CSMD1: variants seen among roughly 807,000 people sequenced by gnomAD.
CSMD1 encodes the protein CUB and Sushi multiple domains 1.
CSMD1 carries 213 observed loss-of-function variants against 417.5 expected under a neutral mutation model. That is an observed-to-expected ratio of 0.51 (90% CI 0.46 to 0.57). CSMD1 has a LOEUF of 0.57. CSMD1 is among the 20% of genes least tolerant of loss of function. CSMD1 has a pLI of 0.00. For synonymous variants in CSMD1, 2,862 were observed against 1,736.8 expected, an observed-to-expected ratio of 1.65 and a Z score of -16.11; for missense variants, 6,923 against 4,529.7, an observed-to-expected ratio of 1.53 and a Z score of -15.17.
chr8:3,742,084 G>A (rs1353960854), intron 6 of CSMD1, among the ~76,000 whole-genome samples: 1 of 151,220 alleles, frequency 6.6e-6, no homozygotes, highest in East Asian at 2.0e-4. Context: ...ACATCCTGGT[G>A]CACCTGGCTC....
At chr8:4,564,739 T>A (rs559156788) in intron 2 of CSMD1, among the ~76,000 whole-genome samples, 49 of 152,296 alleles carry the variant, frequency 3.2e-4, no homozygotes, top group African/African-American at 1.2e-3. Flanking sequence ...TTGATGGATC[T>A]GAACATGGAG....
chr8:4,179,169 T>C (rs565365871), intron 3 of CSMD1, among the ~76,000 whole-genome samples: 2 of 152,136 alleles, frequency 1.3e-5, no homozygotes, highest in African/African-American at 4.8e-5. Flanking sequence ...ACTACCTGAC[T>C]TCAAACTATA....
At chr8:3,142,389 G>C (rs373379658) in intron 41 of CSMD1, 76 bp downstream of exon 41, 2 of 1,279,564 alleles carry the variant, frequency 1.6e-6, no homozygotes, top group African/African-American at 1.5e-5. Flanking sequence ...CAGTTAGGGA[G>C]ATTTATACTT....
At chr8:3,337,397 ACCCGTGCCTGACT>A (rs1287410052) in intron 23 of CSMD1, among the ~76,000 whole-genome samples, 8 of 152,108 alleles carry the variant, frequency 5.3e-5, no homozygotes, top group Non-Finnish European at 1.2e-4. Context: ...GCATAATTAC[ACCCGTGCCTGACT>A]CTCAGCCACA....
chr8:4,737,344 G>C lies in CSMD1; in HGVS notation c.86-99786C>G, dbSNP rs559799714. ...ACCCTGGGATCTTTCAAAGGGTGGA[G>C]GGTTGGAGGAGAGAGAGAGTCAGAA... On this transcript the variant is annotated intron_variant, in intron 1 of 69. Coordinates refer to ENST00000635120, the MANE Select transcript of CSMD1 (RefSeq NM_033225.6). Among the ~76,000 whole-genome samples the C allele has an allele frequency of 8.4e-4, 128 of 152,182 alleles. 1 individual carries two copies. Among genetic ancestry groups the C allele is most frequent in the African/African-American group, 2.9e-3 (121 of 41,520 alleles).
At chr8:4,937,427 G>C (rs914391314) in intron 1 of CSMD1, among the ~76,000 whole-genome samples, 3 of 152,074 alleles carry the variant, frequency 2.0e-5, no homozygotes, top group African/African-American at 7.2e-5. Context: ...TATAAAAATA[G>C]TGTTTTTCTC....
chr8:4,328,764 A>T (rs1263310921), intron 3 of CSMD1, among the ~76,000 whole-genome samples: 2 of 152,166 alleles, frequency 1.3e-5, no homozygotes, highest in Non-Finnish European at 2.9e-5. Flanking sequence ...TACATCGTTT[A>T]AGTTAGCAAT....
In CSMD1 at chr8:4,153,670, C is replaced by A. The variant is rs542905349; in HGVS notation, c.416-121571G>T. Among the ~76,000 whole-genome samples the A allele has an allele frequency of 7.9e-5, 12 of 152,316 alleles. No homozygotes were observed. The South Asian group carries it at 2.5e-3, about 32-fold the overall frequency. On this transcript the variant is annotated intron_variant, in intron 3 of 69. Transcript: ENST00000635120. Reference sequence around the variant, plus strand: ...CATCCTTTATTTTCTCATAACGTCACTGCCTGGAATTTCCGCTTCCATCAA... The same window carrying A: ...CATCCTTTATTTTCTCATAACGTCAATGCCTGGAATTTCCGCTTCCATCAA...
chr8:4,217,265 G>A (rs998475546), intron 3 of CSMD1, among the ~76,000 whole-genome samples: 2 of 152,170 alleles, frequency 1.3e-5, no homozygotes, highest in African/African-American at 2.4e-5. Flanking sequence ...TTTAGAATTT[G>A]CAGAAGTCTT....
chr8:3,226,669 C>A (rs1798523699), intron 27 of CSMD1, among the ~76,000 whole-genome samples: 1 of 151,304 alleles, frequency 6.6e-6, no homozygotes, highest in Admixed American at 6.6e-5. Context: ...ACAGAGGAGG[C>A]TTCATGGTAG....
chr8:4,984,952 A>G (rs563617310), intron 1 of CSMD1, among the ~76,000 whole-genome samples: 2 of 152,298 alleles, frequency 1.3e-5, no homozygotes, highest in Non-Finnish European at 2.9e-5. Flanking sequence ...GCAAAGTCAA[A>G]ATGGAAACTC....
intron 1 of CSMD1, among the ~76,000 whole-genome samples, chr8:4,711,671 TAAAA>T (rs11321928): frequency 6.6e-6 from 1 of 151,834 alleles, no homozygotes; most frequent in South Asian, 2.1e-4. Context: ...TAGGTAAATT[TAAAA>T]AAAAAATCCA....
In CSMD1 at chr8:3,243,948, C is replaced by G. The variant is rs908333191; in HGVS notation, c.4154-13717G>C. ...GTTATGTAAAATTTTATTTGTTGACCGAGGTATTAGTTCATAGAAGTACGT... is the reference window on the plus strand; with the variant it reads ...GTTATGTAAAATTTTATTTGTTGACGGAGGTATTAGTTCATAGAAGTACGT... On this transcript the variant is annotated intron_variant, in intron 26 of 69. Coordinates refer to ENST00000635120, the MANE Select transcript of CSMD1 (RefSeq NM_033225.6). Among the ~76,000 whole-genome samples the G allele has an allele frequency of 2.0e-5, 3 of 152,070 alleles. No homozygotes were observed. In the East Asian group the frequency reaches 5.8e-4, roughly 29 times the overall value.
intron 2 of CSMD1, among the ~76,000 whole-genome samples, chr8:4,549,420 T>C (rs1268105736): frequency 6.6e-6 from 1 of 152,182 alleles, no homozygotes; most frequent in African/African-American, 2.4e-5. Flanking sequence ...TGTGATTTAT[T>C]TCTATCCATC....
intron 3 of CSMD1, among the ~76,000 whole-genome samples, chr8:4,416,970 G>C (rs556788860): frequency 7.2e-5 from 11 of 151,760 alleles, no homozygotes; most frequent in Admixed American, 3.9e-4. Context: ...TTATTAATTT[G>C]TCAAAGACAG....
rs565886351 is a variant in CSMD1 at position 3,157,482 on chromosome 8, A to G, written c.5914+415T>C. Among the ~76,000 whole-genome samples, 4 of 152,296 alleles carry G rather than the reference A, an allele frequency of 2.6e-5. No individual in the cohort carries two copies. The East Asian group carries it at 7.7e-4, about 29-fold the overall frequency. On this transcript the variant is annotated intron_variant, in intron 39 of 69. Coordinates refer to ENST00000635120, the MANE Select transcript of CSMD1 (RefSeq NM_033225.6). ...CCAACATGAAATACTCCATCACTCC[A>G]TCAGTAATCTGTCATTCTGAATTTT...
intron 2 of CSMD1, among the ~76,000 whole-genome samples, chr8:4,443,672 A>T (rs1463628394): frequency 1.3e-5 from 2 of 152,238 alleles, no homozygotes; most frequent in Non-Finnish European, 2.9e-5. Flanking sequence ...AATAGCATTT[A>T]TACCATTCAA....
chr8:3,139,256 G>C (rs570068480), intron 41 of CSMD1, among the ~76,000 whole-genome samples: 1 of 152,292 alleles, frequency 6.6e-6, no homozygotes, highest in East Asian at 1.9e-4. Context: ...TTGAATCCAG[G>C]AGTTTGAATC....
intron 33 of CSMD1, among the ~76,000 whole-genome samples, chr8:3,195,814 G>T (rs1037163564): frequency 5.3e-5 from 8 of 152,286 alleles, no homozygotes; most frequent in East Asian, 3.9e-4. Context: ...TTAAAAGCAA[G>T]AATTGTGTAT....
Sources: gnomAD v4.1 joint callset for allele counts (sites outside exome capture counted in the v4.1 genomes callset) on GRCh38, gnomAD v4.1.1 for gene constraint, MANE v1.5 for transcripts, NCBI Gene and HGNC (gene_info 2026-07-23, HGNC 2026-07-21) for gene names.